CEP128: variants seen among roughly 807,000 people sequenced by gnomAD.
CEP128 encodes the protein centrosomal protein 128.
CEP128 carries 132 observed loss-of-function variants against 156.7 expected under a neutral mutation model. The observed-to-expected ratio is 0.84, with a 90% CI of 0.73 to 0.97. CEP128 has a LOEUF of 0.97. CEP128 is among the 50% of genes least tolerant of loss of function. The probability of loss-of-function intolerance (pLI) is 0.00; values close to 1 mark genes in which losing one functional copy is unlikely to be tolerated. For synonymous variants in CEP128, 469 were observed against 448.9 expected (o/e 1.04, Z -0.57); for missense variants, 1,252 against 1,281.9 (o/e 0.98, Z 0.36).
chr14:80,609,484 T>A (rs931041837), intron 19 of CEP128, among the ~76,000 whole-genome samples: 1 of 152,200 alleles, frequency 6.6e-6, no homozygotes, highest in Non-Finnish European at 1.5e-5. Flanking sequence ...CCCCATCCAC[T>A]GGGTATTTGG....
intron 20 of CEP128, among the ~76,000 whole-genome samples, chr14:80,562,015 C>T (rs915710649): frequency 6.6e-6 from 1 of 151,542 alleles, no homozygotes; most frequent in Admixed American, 6.6e-5. Flanking sequence ...GCAAGCTCCG[C>T]CTCCCAAGTT....
chr14:80,647,011 A>ATATATATG lies in CEP128; in HGVS notation c.2807-66589_2807-66588insCATATATA, dbSNP rs1233103116. Among the ~76,000 whole-genome samples the ATATATATG allele has an allele frequency of 2.1e-4, 15 of 72,532 alleles. 1 individual carries two copies. The highest frequency in any genetic ancestry group is 3.3e-4 in the African/African-American group (9 of 26,976). The allele number at this position is 72,532 out of a possible 152,430, so 47.6% of individuals were successfully genotyped here. A position where few individuals can be genotyped will look rare whatever the true frequency, so the allele number is the denominator to read the frequency against. On this transcript the variant is annotated intron_variant, in intron 19 of 24. Coordinates refer to ENST00000555265, the MANE Select transcript of CEP128 (RefSeq NM_152446.5). ...TTATAAGAAATATATATATATATAT[A>ATATATATG]TGTGTGTGTATATATATGTGTGCAT...
chr14:80,512,039 T>C (rs747698405), intron 23 of CEP128, among the ~76,000 whole-genome samples: 1 of 152,084 alleles, frequency 6.6e-6, no homozygotes, highest in Non-Finnish European at 1.5e-5. Context: ...GAGAAGAATG[T>C]CTTCTGCAAC....
chr14:80,556,654 T>A (rs990030962), intron 21 of CEP128, among the ~76,000 whole-genome samples: 5 of 152,160 alleles, frequency 3.3e-5, no homozygotes, highest in African/African-American at 1.2e-4. Flanking sequence ...ACTGCACTGC[T>A]AAAATCAATC....
At chr14:80,564,252 A>T (rs1304705393) in intron 20 of CEP128, among the ~76,000 whole-genome samples, 1 of 152,242 alleles carries the variant, frequency 6.6e-6, no homozygotes, top group Admixed American at 6.5e-5. Context: ...ATGACTGTAC[A>T]TGTAGTCACT....
At chr14:80,557,884 T>C (rs1043157809) in intron 21 of CEP128, among the ~76,000 whole-genome samples, 15 of 152,180 alleles carry the variant, frequency 9.9e-5, no homozygotes, top group Admixed American at 9.8e-4. Context: ...ACTTCTAATA[T>C]TTTATGTATT....
At chr14:80,880,707 C>T (rs1888493879) in intron 8 of CEP128, among the ~76,000 whole-genome samples, 1 of 147,876 alleles carries the variant, frequency 6.8e-6, no homozygotes, top group South Asian at 2.2e-4. Context: ...AAAAAAAATA[C>T]AAAAAATTAG....
chr14:80,489,287 A>T (rs1887245597), downstream of CEP128, among the ~76,000 whole-genome samples: 1 of 149,640 alleles, frequency 6.7e-6, no homozygotes, highest in East Asian at 2.0e-4. Flanking sequence ...AAAAAAAAAA[A>T]AAGTCACACA....
intron 23 of CEP128, among the ~76,000 whole-genome samples, chr14:80,512,685 A>T (rs1229425985): frequency 1.3e-5 from 2 of 151,766 alleles, no homozygotes; most frequent in African/African-American, 4.8e-5. Flanking sequence ...TCCTTTTTGT[A>T]AAACTCTGGT....
chr14:80,500,305 G>T (rs772789567), intron 24 of CEP128, among the ~76,000 whole-genome samples: 7 of 152,126 alleles, frequency 4.6e-5, no homozygotes, highest in Admixed American at 2.0e-4. Flanking sequence ...CAGCTTCAAC[G>T]AAAGGGCCTC....
At chr14:80,584,649 G>T (rs190813691) in intron 19 of CEP128, among the ~76,000 whole-genome samples, 102 of 152,260 alleles carry the variant, frequency 6.7e-4, no homozygotes, top group Non-Finnish European at 1.1e-3. Flanking sequence ...ACTGGGCATC[G>T]CTGAGAAGCA....
chr14:80,856,556 AT>A (rs1402322018), intron 9 of CEP128, among the ~76,000 whole-genome samples: 1 of 151,860 alleles, frequency 6.6e-6, no homozygotes, highest in African/African-American at 2.4e-5. Flanking sequence ...AGGTAGAAGG[AT>A]CGCTTGAGCC....
At chr14:80,489,222 T>G (rs566636513), downstream of CEP128, among the ~76,000 whole-genome samples, 1 of 147,522 alleles carries the variant, frequency 6.8e-6, no homozygotes, top group Non-Finnish European at 1.5e-5. Flanking sequence ...AAAGTAAACT[T>G]TCAAACCTAG....
intron 12 of CEP128, among the ~76,000 whole-genome samples, chr14:80,832,070 A>T (rs766609481): frequency 1.2e-4 from 18 of 152,130 alleles, no homozygotes; most frequent in Admixed American, 6.6e-4. Context: ...ATGAGATCTG[A>T]TGGTTTTATA....
intron 19 of CEP128, among the ~76,000 whole-genome samples, chr14:80,637,017 C>T (rs1214090750): frequency 2.6e-5 from 4 of 151,158 alleles, no homozygotes; most frequent in South Asian, 2.1e-4. Flanking sequence ...ACCCAGGAGG[C>T]GGAGGTTGTG....
chr14:80,870,868 A>G (rs1343376767), intron 8 of CEP128, among the ~76,000 whole-genome samples: 1 of 151,964 alleles, frequency 6.6e-6, no homozygotes. Context: ...CCTAAAAAAA[A>G]CTGTTAGAAG....
intron 12 of CEP128, 149 bp from the exon 13 acceptor site, chr14:80,831,443 T>C: frequency 1.4e-6 from 1 of 725,518 alleles, no homozygotes; most frequent in East Asian, 2.7e-5. Context: ...AGCCTGTTGT[T>C]TCAAGTTTTA....
intron 13 of CEP128, among the ~76,000 whole-genome samples, chr14:80,794,680 A>G (rs1352931110): frequency 6.6e-6 from 1 of 152,178 alleles, no homozygotes; most frequent in Non-Finnish European, 1.5e-5. Flanking sequence ...TATGGTTTAT[A>G]GAAATATTAA....
At chr14:80,537,458 G>A (rs1024413307) in intron 21 of CEP128, among the ~76,000 whole-genome samples, 5 of 151,884 alleles carry the variant, frequency 3.3e-5, no homozygotes, top group Non-Finnish European at 7.4e-5. Flanking sequence ...TATCATTCTT[G>A]CCACTCCCTG....
Sources: gnomAD v4.1 joint callset for allele counts (sites outside exome capture counted in the v4.1 genomes callset) on GRCh38, gnomAD v4.1.1 for gene constraint, MANE v1.5 for transcripts, NCBI Gene and HGNC (gene_info 2026-07-23, HGNC 2026-07-21) for gene names.